Variants in KIAA0232 observed in about 807,000 individuals in gnomAD.
The protein encoded by KIAA0232 is uncharacterized protein KIAA0232.
Under a neutral mutation model 122.0 loss-of-function variants are expected in KIAA0232, and 27 were observed. The observed-to-expected ratio is 0.22, with a 90% CI of 0.16 to 0.31. The LOEUF (loss-of-function observed/expected upper bound fraction) is 0.31, where lower values mean the gene tolerates loss of function less well. Ranked by LOEUF, KIAA0232 falls within the 10% of genes least tolerant of loss-of-function variation. The pLI, the probability that KIAA0232 is intolerant of heterozygous loss-of-function variation, is 1.00. For synonymous variants in KIAA0232, 613 were observed against 587.6 expected, an observed-to-expected ratio of 1.04 and a Z score of -0.63; for missense variants, 1,551 against 1,634.2, an observed-to-expected ratio of 0.95 and a Z score of 0.88.
intron 7 of KIAA0232, 112 bp from the exon 8 acceptor site, chr4:6,871,462 C>T: frequency 3.1e-6 from 2 of 641,138 alleles, no homozygotes. Context: ...ATCAAAAAAC[C>T]TCACCAGTTT....
chr4:6,805,003 G>A (rs1011176417), intron 2 of KIAA0232, among the ~76,000 whole-genome samples: 2 of 152,136 alleles, frequency 1.3e-5, no homozygotes, highest in African/African-American at 4.8e-5. Flanking sequence ...GTTTCAAGAT[G>A]TCCTGCAATA....
chr4:6,811,894 C>A (rs951637414), intron 2 of KIAA0232, among the ~76,000 whole-genome samples: 1 of 151,428 alleles, frequency 6.6e-6, no homozygotes, highest in East Asian at 1.9e-4. Context: ...ATTCTCAGTT[C>A]TCTCTTTGTT....
Position 6,782,754 on chromosome 4 carries a change from G to T in KIAA0232, c.-441G>T, listed in dbSNP as rs1288870536. On this transcript the variant is annotated 5_prime_UTR_variant, in exon 1 of 10. Coordinates refer to ENST00000307659, the MANE Select transcript of KIAA0232 (RefSeq NM_014743.3). ...TTTACGTAAGGCGCAGGCCAGGGCC[G>T]CCCGGCGCTCGGCAGCCGCCCGCAG... 6.7e-6 allele frequency: 1 copy of T among 149,080 alleles called. No individual in the cohort carries two copies. Among genetic ancestry groups the T allele is most frequent in the Non-Finnish European group, 1.5e-5 (1 of 67,156 alleles). 9.2% of individuals were successfully genotyped at this position (149,080 alleles called of 1,614,324 possible).
At chr4:6,859,973 CAT>C (rs35413859) in intron 6 of KIAA0232, among the ~76,000 whole-genome samples, 48 of 152,334 alleles carry the variant, frequency 3.2e-4, no homozygotes, top group South Asian at 1.2e-3. Flanking sequence ...GTGAGCATAA[CAT>C]GTGTGTCTTG....
At chr4:6,812,929 C>T (rs796814552) in intron 2 of KIAA0232, among the ~76,000 whole-genome samples, 4 of 152,228 alleles carry the variant, frequency 2.6e-5, no homozygotes, top group African/African-American at 9.6e-5. Context: ...GTTGTAATCA[C>T]ACCTAAAATT....
intron 3 of KIAA0232, among the ~76,000 whole-genome samples, chr4:6,825,322 G>A (rs1196002848): frequency 6.6e-6 from 1 of 152,040 alleles, no homozygotes; most frequent in Non-Finnish European, 1.5e-5. Context: ...AGGCCGAGGC[G>A]GGAGGATCCC....
chr4:6,807,028 GTCTGTCTA>G (rs1329789848), intron 2 of KIAA0232, among the ~76,000 whole-genome samples: 9 of 113,168 alleles, frequency 8.0e-5, no homozygotes, highest in African/African-American at 2.1e-4. Context: ...TTGTCTGTCT[GTCTGTCTA>G]TCTATCTATC....
Position 6,884,049 on chromosome 4 carries a change from T to C in KIAA0232, c.*3083T>C, listed in dbSNP as rs1343280310. The C allele has an allele frequency of 6.6e-6, 1 of 152,226 alleles. No homozygotes were observed. The highest frequency in any genetic ancestry group is 2.4e-5 in the African/African-American group (1 of 41,454). The allele number at this position is 152,226 out of a possible 1,614,324, so 9.4% of individuals were successfully genotyped here. On this transcript the variant is annotated 3_prime_UTR_variant, in exon 10 of 10. Coordinates refer to ENST00000307659, the MANE Select transcript of KIAA0232 (RefSeq NM_014743.3). ...CATTGATAAAACAATGTTTTTTTGGTTGTTTATTCAGTATCTGAATAACGT... is the reference window on the plus strand; with the variant it reads ...CATTGATAAAACAATGTTTTTTTGGCTGTTTATTCAGTATCTGAATAACGT...
chr4:6,798,650 C>T (rs190815601), intron 1 of KIAA0232, among the ~76,000 whole-genome samples: 5 of 152,296 alleles, frequency 3.3e-5, no homozygotes, highest in South Asian at 2.1e-4. Context: ...CTCCAGGGCT[C>T]GAACGAGCCT....
rs747107539 is a variant in KIAA0232, at chr4:6,863,234, C to G, written c.2852C>G (p.Pro951Arg). 17 of 1,613,848 alleles carry G rather than the reference C, an allele frequency of 1.1e-5. No individual in the cohort carries two copies. The highest frequency in any genetic ancestry group is 1.3e-5 in the Non-Finnish European group (15 of 1,180,028). The part of the protein sequence containing the change: ...NSDGEWAVVP[P>R]SHTKGSLLQC... ...GATGGGGAGTGGGCAGTCGTACCAC[C>G]TAGTCACACAAAAGGAAGTCTGTTA... Residue 951 changes from proline (P) to arginine (R), a missense_variant, in exon 7 of 10, where the codon CCT becomes CGT. Coordinates refer to ENST00000307659, the MANE Select transcript of KIAA0232 (RefSeq NM_014743.3).
chr4:6,789,801 A>G (rs2108865651), intron 1 of KIAA0232, among the ~76,000 whole-genome samples: 1 of 152,274 alleles, frequency 6.6e-6, no homozygotes, highest in Non-Finnish European at 1.5e-5. Flanking sequence ...GCGAGGTGGG[A>G]GGATCACTTG....
intron 9 of KIAA0232, among the ~76,000 whole-genome samples, chr4:6,877,467 T>C (rs79257012): frequency 0.092 from 13,977 of 152,156 alleles, 839 homozygotes; most frequent in Non-Finnish European, 0.11. Context: ...GGGACAGAAC[T>C]AATGGAATAG....
intron 4 of KIAA0232, among the ~76,000 whole-genome samples, chr4:6,850,972 G>A (rs1318136797): frequency 6.6e-6 from 1 of 152,178 alleles, no homozygotes; most frequent in African/African-American, 2.4e-5. Flanking sequence ...TCGGCCGAAA[G>A]GAACATTCTT....
At chr4:6,843,876 A>G (rs1719798378) in intron 4 of KIAA0232, among the ~76,000 whole-genome samples, 1 of 147,292 alleles carries the variant, frequency 6.8e-6, no homozygotes, top group South Asian at 2.1e-4. Context: ...CCTAAGTTGT[A>G]ATTATTCATT....
chr4:6,783,281 G>T (rs937352262), intron 1 of KIAA0232, among the ~76,000 whole-genome samples: 3 of 152,244 alleles, frequency 2.0e-5, no homozygotes, highest in Admixed American at 2.0e-4. Context: ...CCGACCCCAG[G>T]ACGCCGGGAC....
chr4:6,815,661 GC>G (rs1718086458), intron 2 of KIAA0232, among the ~76,000 whole-genome samples: 1 of 152,188 alleles, frequency 6.6e-6, no homozygotes, highest in Non-Finnish European at 1.5e-5. Flanking sequence ...GTAGTCTGAA[GC>G]TACTTGTCAG....
chr4:6,809,894 A>G (rs990222862), intron 2 of KIAA0232, among the ~76,000 whole-genome samples: 4 of 152,182 alleles, frequency 2.6e-5, no homozygotes, highest in Admixed American at 6.5e-5. Flanking sequence ...AGATCTCTCC[A>G]AGGAAGACTA....
At chr4:6,820,058 T>C (rs1388361585) in intron 2 of KIAA0232, among the ~76,000 whole-genome samples, 1 of 152,106 alleles carries the variant, frequency 6.6e-6, no homozygotes, top group Non-Finnish European at 1.5e-5. Flanking sequence ...CAGTTACTTG[T>C]GGATGTAAAG....
chr4:6,810,861 C>G (rs1450603471), intron 2 of KIAA0232, among the ~76,000 whole-genome samples: 1 of 152,086 alleles, frequency 6.6e-6, no homozygotes, highest in African/African-American at 2.4e-5. Flanking sequence ...CAGAGAAATG[C>G]AAACCAAAAC....
Sources: gnomAD v4.1 joint callset for allele counts (sites outside exome capture counted in the v4.1 genomes callset) on GRCh38, gnomAD v4.1.1 for gene constraint, MANE v1.5 for transcripts, NCBI Gene and HGNC (gene_info 2026-07-23, HGNC 2026-07-21) for gene names.